The following ZRSR2 variants were observed in gnomAD, a reference collection of about 807,000 sequenced individuals.
The protein encoded by ZRSR2 is zinc finger CCCH-type, RNA binding motif and serine/arginine rich 2, also known as U2 small nuclear ribonucleoprotein auxiliary factor 35 kDa subunit-related protein 2.
ZRSR2 carries 3 observed loss-of-function variants against 39.4 expected under a neutral mutation model. The observed-to-expected ratio is 0.08, with a 90% CI of 0.03 to 0.20. ZRSR2 has a LOEUF of 0.20. ZRSR2 is among the 10% of genes least tolerant of loss of function. ZRSR2 has a pLI of 1.00. For synonymous variants in ZRSR2, 137 were observed against 136.0 expected (o/e 1.01, Z -0.05); for missense variants, 256 against 391.5 (o/e 0.65, Z 2.92).
At chrX:15,814,076 CAAA>C (rs11426665) in intron 7 of ZRSR2, among the ~76,000 whole-genome samples, 6 of 70,598 alleles carry the variant, frequency 8.5e-5, no homozygotes, top group African/African-American at 5.4e-5. Flanking sequence ...CTCCCCTCGC[CAAA>C]AAAAAAAAAA....
chrX:15,810,084 C>T (rs2147285839), intron 7 of ZRSR2, among the ~76,000 whole-genome samples: 1 of 111,795 alleles, frequency 8.9e-6, no homozygotes, highest in Admixed American at 9.5e-5. Context: ...AGCACACACA[C>T]CCGTAGAACA....
intron 7 of ZRSR2, among the ~76,000 whole-genome samples, chrX:15,815,462 C>T (rs756745841): frequency 5.4e-5 from 6 of 111,910 alleles, no homozygotes; most frequent in Non-Finnish European, 7.5e-5. Flanking sequence ...CACGCCAACA[C>T]GCCCGGCTAA....
At chrX:15,805,106 A>G (rs1458363429) in intron 5 of ZRSR2, among the ~76,000 whole-genome samples, 1 of 112,070 alleles carries the variant, frequency 8.9e-6, no homozygotes, top group Non-Finnish European at 1.9e-5. Flanking sequence ...TATAATTGGG[A>G]AAAATGCATG....
chrX:15,800,148 T>TTTC (rs1219670235), intron 3 of ZRSR2, among the ~76,000 whole-genome samples, 195 bp downstream of exon 3: 7 of 110,240 alleles, frequency 6.3e-5, no homozygotes, highest in Non-Finnish European at 1.3e-4. Context: ...TGGAAGTACT[T>TTTC]TTCTTCTGTT....
chrX:15,822,965 G>T lies in ZRSR2; in HGVS notation c.1172G>T (p.Arg391Ile). ...RNPSPDHSYKRNGESERKSSR... is the reference protein window; with the variant it reads ...RNPSPDHSYKINGESERKSSR... ...CCTAGTCCAGACCACTCCTACAAAA[G>T]AAATGGGGAATCCGAGAGGAAAAGT... The change falls in exon 11 of 11, where the codon AGA becomes ATA. Residue 391 changes from arginine (R) to isoleucine (I), a missense_variant. Transcript: ENST00000307771. The T allele has an allele frequency of 8.2e-7, 1 of 1,212,322 alleles. No homozygotes were observed. Among genetic ancestry groups the T allele is most frequent in the Non-Finnish European group, 1.1e-6 (1 of 895,660 alleles).
Position 15,822,959 on chromosome X carries a change from A to C in ZRSR2, c.1166A>C (p.Tyr389Ser). ...AGAAACCCTAGTCCAGACCACTCCT[A>C]CAAAAGAAATGGGGAATCCGAGAGG... ...GRRNPSPDHS[Y>S]KRNGESERKS... Residue 389 changes from tyrosine (Y) to serine (S), a missense_variant, in exon 11 of 11, where the codon TAC becomes TCC. Around this residue, in one of 3 missense-constraint regions of ZRSR2, gnomAD observed 111 missense variants for 116.7 expected, o/e 0.95. Coordinates refer to ENST00000307771, the MANE Select transcript of ZRSR2 (RefSeq NM_005089.4). 4 of 1,212,528 alleles carry C rather than the reference A, an allele frequency of 3.3e-6. No homozygotes were observed. The highest frequency in any genetic ancestry group is 4.5e-6 in the Non-Finnish European group (4 of 895,692).
chrX:15,804,268 T>G (rs943083583), intron 5 of ZRSR2, 71 bp downstream of exon 5: 8 of 1,041,363 alleles, frequency 7.7e-6, no homozygotes, highest in Admixed American at 3.7e-5. Flanking sequence ...AGAGTTTGGG[T>G]TTTTTTTTTC....
chrX:15,814,874 CA>C (rs1466108058), intron 7 of ZRSR2, among the ~76,000 whole-genome samples: 3 of 112,182 alleles, frequency 2.7e-5, no homozygotes, highest in African/African-American at 9.7e-5. Flanking sequence ...GTACACAGAT[CA>C]GATTGAATTG....
At position 15,792,614 on chromosome X, in the gene ZRSR2, T is replaced by C. The variant is rs759605973; in HGVS notation, c.121+1601T>C. Among the ~76,000 whole-genome samples the C allele has an allele frequency of 4.2e-4, 47 of 112,287 alleles. No homozygotes were observed. In the South Asian group the frequency reaches 6.2e-3, roughly 15 times the overall value. ...ATGTTGCCTTATAGTTATTTACCAC[T>C]TTTTCTATGAAATTACTGTAGAACC... On this transcript the variant is annotated intron_variant, in intron 2 of 10. Coordinates refer to ENST00000307771, the MANE Select transcript of ZRSR2 (RefSeq NM_005089.4).
intron 7 of ZRSR2, 111 bp from the exon 8 acceptor site, chrX:15,815,566 C>A: frequency 1.5e-6 from 1 of 658,165 alleles, no homozygotes; most frequent in Non-Finnish European, 2.3e-6. Flanking sequence ...CTCGGCCTCC[C>A]AAAGTGTTGG....
chrX:15,818,780 T>C, intron 9 of ZRSR2, 138 bp downstream of exon 9: 1 of 558,689 alleles, frequency 1.8e-6, no homozygotes, highest in Non-Finnish European at 2.7e-6. Context: ...ATTTTGTTTT[T>C]TTCTTTTGAG....
chrX:15,808,580 T>G (rs1932833346), intron 6 of ZRSR2, among the ~76,000 whole-genome samples: 2 of 110,561 alleles, frequency 1.8e-5, no homozygotes, highest in African/African-American at 6.6e-5. Context: ...CTGTCTGTGG[T>G]GGTTCCCTAA....
chrX:15,808,370 C>A, intron 6 of ZRSR2, 99 bp downstream of exon 6: 1 of 771,143 alleles, frequency 1.3e-6, no homozygotes, highest in Non-Finnish European at 1.9e-6. Context: ...TTAGTTAGAT[C>A]ATGTTTGGAT....
intron 7 of ZRSR2, among the ~76,000 whole-genome samples, chrX:15,811,431 C>CTG (rs1932880078): frequency 9.2e-6 from 1 of 108,935 alleles, no homozygotes; most frequent in African/African-American, 3.3e-5. Flanking sequence ...TCACCCCCCC[C>CTG]CCTTTTTTTT....
At chrX:15,811,996 C>G (rs1213674863) in intron 7 of ZRSR2, among the ~76,000 whole-genome samples, 1 of 111,724 alleles carries the variant, frequency 9.0e-6, no homozygotes, top group Non-Finnish European at 1.9e-5. Flanking sequence ...GTGGCACGAT[C>G]TCCGCTCACT....
At chrX:15,807,299 GT>G (rs989566158) in intron 5 of ZRSR2, among the ~76,000 whole-genome samples, 2 of 108,304 alleles carry the variant, frequency 1.8e-5, no homozygotes, top group African/African-American at 3.4e-5. Flanking sequence ...TTGTTTGTTC[GT>G]TTTTTTTTAG....
At chrX:15,803,864 T>C (rs1932749644) in intron 4 of ZRSR2, 68 bp downstream of exon 4, 4 of 1,153,975 alleles carry the variant, frequency 3.5e-6, no homozygotes, top group Non-Finnish European at 4.6e-6. Context: ...CATGAAGAGT[T>C]GCCTATCTTG....
At chrX:15,807,052 G>A (rs1932796396) in intron 5 of ZRSR2, among the ~76,000 whole-genome samples, 1 of 111,771 alleles carries the variant, frequency 8.9e-6, no homozygotes. Flanking sequence ...AGACATACGA[G>A]TCTTATGTAA....
At chrX:15,798,601 C>A (rs1932557500) in intron 2 of ZRSR2, among the ~76,000 whole-genome samples, 1 of 111,575 alleles carries the variant, frequency 9.0e-6, no homozygotes, top group African/African-American at 3.3e-5. Flanking sequence ...CGCAGAACCA[C>A]AATACCAAAC....
Sources: allele counts gnomAD v4.1 joint callset (sites outside exome capture counted in the v4.1 genomes callset), GRCh38; gene constraint gnomAD v4.1.1; regional missense constraint gnomAD v4.1.1; transcripts MANE v1.5; gene names NCBI Gene and HGNC (gene_info 2026-07-23, HGNC 2026-07-21).